Variants in GARIN2 observed in about 807,000 individuals in gnomAD.
GARIN2 encodes golgi associated RAB2 interactor family member 2, also known as Golgi-associated RAB2 interactor protein 2.
the GARIN2 span, among the ~76,000 whole-genome samples, chr14:67,207,286 C>A: frequency 6.6e-6 from 1 of 152,026 alleles, no homozygotes; most frequent in Non-Finnish European, 1.5e-5. Context: ...AGGGAACTTA[C>A]AATCGTGTGG....
chr14:67,189,676 C>CA, the GARIN2 span: 1 of 151,806 alleles, frequency 6.6e-6, no homozygotes, highest in Non-Finnish European at 1.5e-5. Flanking sequence ...TATTTTTTTC[C>CA]ATCTTCCTCT....
chr14:67,204,024 T>C, the GARIN2 span, among the ~76,000 whole-genome samples: 1 of 152,166 alleles, frequency 6.6e-6, no homozygotes, highest in Non-Finnish European at 1.5e-5. Flanking sequence ...TTCAGACGTT[T>C]TTATACATCA....
the GARIN2 span, chr14:67,199,001 G>T: frequency 1.4e-6 from 1 of 706,304 alleles, no homozygotes; most frequent in South Asian, 1.5e-5. Flanking sequence ...ACAGAGGGGT[G>T]ACAAGGGAGG....
chr14:67,209,819 G>GAAAA, the GARIN2 span, among the ~76,000 whole-genome samples: 2 of 76,928 alleles, frequency 2.6e-5, no homozygotes, highest in African/African-American at 1.0e-4. Context: ...CTCCATCTCG[G>GAAAA]AAAAAAAAAA....
chr14:67,223,712 C>A, the GARIN2 span: 1 of 978,288 alleles, frequency 1.0e-6, no homozygotes, highest in Non-Finnish European at 1.2e-6. Flanking sequence ...TATTTCTTTC[C>A]ACCTTTTTCT....
At chr14:67,198,239 G>T in the GARIN2 span, 5 of 1,613,848 alleles carry the variant, frequency 3.1e-6, no homozygotes, top group Non-Finnish European at 4.2e-6. Context: ...CCCATGATCC[G>T]AGAGATCTTC....
At chr14:67,198,272 G>A in the GARIN2 span, 2 of 1,613,920 alleles carry the variant, frequency 1.2e-6, no homozygotes, top group Non-Finnish European at 1.7e-6. Context: ...ATGGAGGAGA[G>A]TATGCCCCTT....
At chr14:67,208,140 C>T in the GARIN2 span, 2 of 1,592,202 alleles carry the variant, frequency 1.3e-6, no homozygotes, top group South Asian at 1.2e-5. Context: ...TACTGTTCCA[C>T]AAACACCTAT....
chr14:67,210,684 A>G, the GARIN2 span, among the ~76,000 whole-genome samples: 1 of 151,838 alleles, frequency 6.6e-6, no homozygotes. Flanking sequence ...TCTAGGATGC[A>G]TTCATTGGGA....
At chr14:67,205,897 A>T in the GARIN2 span, among the ~76,000 whole-genome samples, 1 of 152,172 alleles carries the variant, frequency 6.6e-6, no homozygotes, top group Admixed American at 6.5e-5. Context: ...TCCACAATAG[A>T]AAAAAGTCTG....
At chr14:67,199,841 A>T in the GARIN2 span, 1 of 1,497,362 alleles carries the variant, frequency 6.7e-7, no homozygotes, top group Non-Finnish European at 9.0e-7. Context: ...ACCCCCAGCC[A>T]TGCCCCACCA....
chr14:67,205,236 A>G, the GARIN2 span: 1 of 782,384 alleles, frequency 1.3e-6, no homozygotes, highest in Non-Finnish European at 2.0e-6. Context: ...GTGAGATTAA[A>G]TCTCTGAACC....
At chr14:67,197,695 A>G in the GARIN2 span, among the ~76,000 whole-genome samples, 1 of 152,148 alleles carries the variant, frequency 6.6e-6, no homozygotes, top group South Asian at 2.1e-4. Context: ...CCCTGCTTAC[A>G]AAAAGGGATT....
the GARIN2 span, chr14:67,225,370 T>C: frequency 1.5e-6 from 1 of 682,776 alleles, no homozygotes; most frequent in Middle Eastern, 4.2e-4. Context: ...AATCTTATTC[T>C]ACTGTAGTAA....
chr14:67,203,911 C>A, the GARIN2 span, among the ~76,000 whole-genome samples: 1 of 152,178 alleles, frequency 6.6e-6, no homozygotes, highest in Non-Finnish European at 1.5e-5. Context: ...AGAGTTTCAC[C>A]ATATTGGTCA....
the GARIN2 span, among the ~76,000 whole-genome samples, chr14:67,219,217 G>A: frequency 6.6e-6 from 1 of 152,210 alleles, no homozygotes; most frequent in Non-Finnish European, 1.5e-5. Context: ...GGATTCTCCT[G>A]TTGTAAGGAC....
At chr14:67,226,883 C>T in the GARIN2 span, among the ~76,000 whole-genome samples, 1,267 of 152,220 alleles carry the variant, frequency 8.3e-3, 20 homozygotes, top group African/African-American at 0.028. Flanking sequence ...GTGGAGACAG[C>T]GATGGGTGGC....
At chr14:67,212,600 T>TTA in the GARIN2 span, among the ~76,000 whole-genome samples, 1 of 113,872 alleles carries the variant, frequency 8.8e-6, no homozygotes, top group African/African-American at 3.9e-5. Flanking sequence ...AAAAAAAAAA[T>TTA]ATATATATAT....
the GARIN2 span, among the ~76,000 whole-genome samples, chr14:67,191,552 A>G: frequency 2.6e-5 from 4 of 152,162 alleles, no homozygotes; most frequent in African/African-American, 7.2e-5. Context: ...CACATTTCCA[A>G]AAATTTCCAG....
Sources: gnomAD v4.1 joint callset for allele counts (sites outside exome capture counted in the v4.1 genomes callset) on GRCh38, gnomAD v4.1.1 for gene constraint, MANE v1.5 for transcripts, NCBI Gene and HGNC (gene_info 2026-07-23, HGNC 2026-07-21) for gene names.